The following TMEM132B variants were observed in gnomAD, a reference collection of about 807,000 sequenced individuals.
The protein encoded by TMEM132B is transmembrane protein 132B.
In TMEM132B, 18 loss-of-function variants were observed where a neutral mutation model predicts 90.8. That is an observed-to-expected ratio of 0.20 (90% CI 0.14 to 0.29). The LOEUF is 0.29. Among genes scored for constraint, TMEM132B ranks in the 10% least tolerant of loss-of-function variants. The pLI, the probability that TMEM132B is intolerant of heterozygous loss-of-function variation, is 1.00. For synonymous variants in TMEM132B, 504 were observed against 523.3 expected (o/e 0.96, Z 0.50); for missense variants, 1,096 against 1,326.8 (o/e 0.83, Z 2.70).
chr12:125,539,251 C>T (rs1883892232), intron 4 of TMEM132B, among the ~76,000 whole-genome samples: 1 of 152,172 alleles, frequency 6.6e-6, no homozygotes, highest in Non-Finnish European at 1.5e-5. Context: ...CTTCTCATCC[C>T]TTTCCTATAC....
chr12:125,198,591 G>A (rs1872981421), intron 1 of TMEM132B, among the ~76,000 whole-genome samples: 1 of 152,200 alleles, frequency 6.6e-6, no homozygotes, highest in Admixed American at 6.5e-5. Flanking sequence ...CTGGGACTGT[G>A]GGGATGGAAT....
intron 1 of TMEM132B, among the ~76,000 whole-genome samples, chr12:125,339,540 A>G (rs991530733): frequency 2.6e-5 from 4 of 152,208 alleles, no homozygotes; most frequent in African/African-American, 7.2e-5. Flanking sequence ...CCTCCTTCCA[A>G]TGCCCCCATC....
intron 3 of TMEM132B, among the ~76,000 whole-genome samples, chr12:125,418,773 T>TA (rs1472951670): frequency 6.6e-6 from 1 of 152,194 alleles, no homozygotes; most frequent in Non-Finnish European, 1.5e-5. Context: ...AGAAAGGCAG[T>TA]AAAAATCTTA....
intron 1 of TMEM132B, among the ~76,000 whole-genome samples, chr12:125,193,850 G>T (rs1430826787): frequency 6.6e-6 from 1 of 152,234 alleles, no homozygotes; most frequent in Admixed American, 6.5e-5. Context: ...AGTGGACAAA[G>T]AAATCTGAAC....
intron 1 of TMEM132B, among the ~76,000 whole-genome samples, chr12:125,317,620 CT>C (rs1231351067): frequency 2.8e-4 from 43 of 152,038 alleles, no homozygotes; most frequent in African/African-American, 1.0e-3. Flanking sequence ...CATCTCTATC[CT>C]CCTCCGTCAT....
At chr12:125,553,385 G>A (rs1014290244) in intron 4 of TMEM132B, among the ~76,000 whole-genome samples, 1 of 152,244 alleles carries the variant, frequency 6.6e-6, no homozygotes, top group Non-Finnish European at 1.5e-5. Flanking sequence ...AGGCTGATGT[G>A]AAGCAACCAA....
chr12:125,512,596 C>T (rs552880806), intron 3 of TMEM132B, among the ~76,000 whole-genome samples: 30 of 152,044 alleles, frequency 2.0e-4, no homozygotes, highest in Non-Finnish European at 3.5e-4. Context: ...GAAAATCTAA[C>T]GAGTAATGAG....
chr12:125,432,503 G>GTA (rs1566034816), intron 3 of TMEM132B, among the ~76,000 whole-genome samples: 195 of 13,886 alleles, frequency 0.014, 28 homozygotes, highest in East Asian at 0.04. Context: ...GTATATATAT[G>GTA]TGTGTGTGTA....
intron 3 of TMEM132B, among the ~76,000 whole-genome samples, chr12:125,503,292 G>C (rs541798152): frequency 6.6e-6 from 1 of 152,248 alleles, no homozygotes; most frequent in Non-Finnish European, 1.5e-5. Flanking sequence ...GTGTACGGGG[G>C]ACATAGACAT....
At chr12:125,369,744 G>A (rs937940267) in intron 2 of TMEM132B, among the ~76,000 whole-genome samples, 2 of 152,206 alleles carry the variant, frequency 1.3e-5, no homozygotes, top group African/African-American at 4.8e-5. Flanking sequence ...GAGGTCATTG[G>A]TAACTTTAAT....
chr12:125,323,011 C>A (rs2136192371), intron 1 of TMEM132B, among the ~76,000 whole-genome samples: 2 of 152,264 alleles, frequency 1.3e-5, no homozygotes, highest in Admixed American at 6.5e-5. Context: ...GTCTGGAGAA[C>A]CTTCTCTGAC....
intron 2 of TMEM132B, among the ~76,000 whole-genome samples, chr12:125,368,696 A>T (rs1016013142): frequency 9.9e-5 from 15 of 152,102 alleles, no homozygotes; most frequent in Admixed American, 8.5e-4. Context: ...TTCCTATAGG[A>T]CACATGCTCC....
intron 3 of TMEM132B, among the ~76,000 whole-genome samples, chr12:125,473,713 T>C (rs922081081): frequency 4.6e-5 from 7 of 152,190 alleles, no homozygotes; most frequent in South Asian, 2.1e-4. Context: ...CCCACATTCT[T>C]TGAGAGATGC....
chr12:125,617,081 G>A (rs1886005857), intron 5 of TMEM132B, among the ~76,000 whole-genome samples: 1 of 152,192 alleles, frequency 6.6e-6, no homozygotes, highest in Non-Finnish European at 1.5e-5. Flanking sequence ...AACAGACCAA[G>A]CTGACTAAGA....
chr12:125,568,920 C>T (rs1026127752), intron 4 of TMEM132B, among the ~76,000 whole-genome samples: 9 of 152,118 alleles, frequency 5.9e-5, no homozygotes, highest in African/African-American at 2.2e-4. Flanking sequence ...CCTCGATGAC[C>T]ACAGCAATTG....
rs181659786 is a variant in TMEM132B, at chr12:125,619,649, G to A, written c.1438-24427G>A. 7.4e-3 allele frequency among the ~76,000 whole-genome samples: 1,126 copies of A among 152,246 alleles called. 12 individuals carry two copies. Among genetic ancestry groups the A allele is most frequent in the African/African-American group, 0.026 (1,084 of 41,546 alleles). On this transcript the variant is annotated intron_variant, in intron 5 of 8. Transcript: ENST00000682704. The stretch of plus-strand genomic sequence containing the variant: ...CAAAGTGCTGGGATTACAGGCGTGA[G>A]CCACCATGCCCGGCCCTGCTGTGGC...
At chr12:125,541,785 C>T (rs1026032504) in intron 4 of TMEM132B, among the ~76,000 whole-genome samples, 10 of 150,792 alleles carry the variant, frequency 6.6e-5, no homozygotes, top group Non-Finnish European at 1.2e-4. Context: ...TTTGGGAGGC[C>T]GAGGCTGATG....
intron 5 of TMEM132B, among the ~76,000 whole-genome samples, chr12:125,612,099 T>C (rs975150236): frequency 2.0e-5 from 3 of 152,192 alleles, no homozygotes; most frequent in African/African-American, 4.8e-5. Context: ...TTGGTGAACA[T>C]ATATTTATAA....
intron 1 of TMEM132B, among the ~76,000 whole-genome samples, chr12:125,187,384 C>A (rs1957766324): frequency 6.6e-6 from 1 of 152,222 alleles, no homozygotes; most frequent in African/African-American, 2.4e-5. Flanking sequence ...GCGGCCCTCC[C>A]CTGCTTTCAC....
Sources: gnomAD v4.1 joint callset for allele counts (sites outside exome capture counted in the v4.1 genomes callset) on GRCh38, gnomAD v4.1.1 for gene constraint, MANE v1.5 for transcripts, NCBI Gene and HGNC (gene_info 2026-07-23, HGNC 2026-07-21) for gene names.